Variants in MED13L observed in about 807,000 individuals in gnomAD.
MED13L encodes mediator complex subunit 13L.
Under a neutral mutation model 220.9 loss-of-function variants are expected in MED13L, and 7 were observed. The observed-to-expected ratio is 0.03, with a 90% CI of 0.02 to 0.06. MED13L has a LOEUF of 0.06. MED13L is among the 10% of genes least tolerant of loss of function. The pLI, the probability that MED13L is intolerant of heterozygous loss-of-function variation, is 1.00. For missense variants in MED13L, 1,965 were observed against 2,760.5 expected, an observed-to-expected ratio of 0.71 and a Z score of 6.46; for synonymous variants, 1,011 against 1,015.2, an observed-to-expected ratio of 1.00 and a Z score of 0.08.
At chr12:116,036,036 G>A (rs778495244) in intron 4 of MED13L, among the ~76,000 whole-genome samples, 3 of 151,972 alleles carry the variant, frequency 2.0e-5, no homozygotes, top group Non-Finnish European at 4.4e-5. Context: ...CATTTATTTT[G>A]ATGGTCTCCC....
intron 2 of MED13L, among the ~76,000 whole-genome samples, chr12:116,191,584 C>T (rs1166133604): frequency 6.6e-6 from 1 of 152,102 alleles, no homozygotes; most frequent in Non-Finnish European, 1.5e-5. Flanking sequence ...CCCACCTCAG[C>T]CTCCCAAAGT....
intron 9 of MED13L, 29 bp from the exon 10 acceptor site, chr12:116,009,161 T>C: frequency 1.2e-6 from 2 of 1,612,952 alleles, no homozygotes; most frequent in Non-Finnish European, 1.7e-6. Flanking sequence ...ATTACATCAT[T>C]ATAACATTAA....
At chr12:116,135,015 A>AAAAATTATC (rs1283075554) in intron 2 of MED13L, among the ~76,000 whole-genome samples, 2 of 152,106 alleles carry the variant, frequency 1.3e-5, no homozygotes, top group African/African-American at 2.4e-5. Flanking sequence ...TAAAAATACA[A>AAAAATTATC]AAAATTATCC....
Position 116,178,475 on chromosome 12 carries a change from T to C in MED13L, c.310+58993A>G, listed in dbSNP as rs1880248145. On this transcript the variant is annotated intron_variant, in intron 2 of 30. Coordinates refer to ENST00000281928, the MANE Select transcript of MED13L (RefSeq NM_015335.5). Reference sequence around the variant, plus strand: ...AGTCAATTTTGGAGCTTAGTTCAACTGCATAACTATGAAAAGCTATGCATA... The same window carrying C: ...AGTCAATTTTGGAGCTTAGTTCAACCGCATAACTATGAAAAGCTATGCATA... Among the ~76,000 whole-genome samples the C allele has an allele frequency of 2.6e-5, 4 of 152,322 alleles. No individual in the cohort carries two copies. The East Asian group carries it at 7.7e-4, about 29-fold the overall frequency.
At chr12:116,246,190 C>T (rs1031553341) in intron 1 of MED13L, among the ~76,000 whole-genome samples, 5 of 149,396 alleles carry the variant, frequency 3.3e-5, no homozygotes, top group Non-Finnish European at 7.4e-5. Context: ...TGAGAATAAA[C>T]GCATTTTTAG....
At chr12:115,990,906 T>A in intron 17 of MED13L, 114 bp downstream of exon 17, 2 of 1,127,306 alleles carry the variant, frequency 1.8e-6, no homozygotes, top group Admixed American at 4.1e-5. Flanking sequence ...GTTCTTTTTT[T>A]TCCCCCGAAA....
In MED13L at chr12:116,277,007, G is replaced by A. The variant is rs987928828; in HGVS notation, c.72+53C>T. The A allele has an allele frequency of 2.9e-5, 43 of 1,499,168 alleles. No homozygotes were observed. In the East Asian group the frequency reaches 7.9e-4, roughly 28 times the overall value. The allele number at this position is 1,499,168 out of a possible 1,614,324, so 92.9% of individuals were successfully genotyped here. A position where few individuals can be genotyped will look rare whatever the true frequency, so the allele number is the denominator to read the frequency against. On this transcript the variant is annotated intron_variant, in intron 1 of 30. Transcript: ENST00000281928. ...GAAAGTTGGTCGGCGGCGGAGGTCG[G>A]GGACCCCCCCCCTTCCCCGGCACAG...
Position 115,996,492 on chromosome 12 carries a change from T to C in MED13L, c.2980A>G (p.Ile994Val). 1 of 1,613,972 alleles carries C rather than the reference T, an allele frequency of 6.2e-7. No homozygotes were observed. Among genetic ancestry groups the C allele is most frequent in the African/African-American group, 1.3e-5 (1 of 75,044 alleles). ...TATACATACTTGTAGCCATCTCTAA[T>C]GAAAGTGGCTGCAGGGGGCATGGGC... is the stretch of plus-strand genomic sequence containing the variant. ...QLPMPPAATF[I>V]RDGYNNVPSV... is the part of the protein sequence containing the mutation. Residue 994 changes from isoleucine (I) to valine (V), a missense_variant, in exon 16 of 31, where the codon ATT (isoleucine) becomes GTT (valine). Coordinates refer to ENST00000281928, the MANE Select transcript of MED13L (RefSeq NM_015335.5).
intron 4 of MED13L, among the ~76,000 whole-genome samples, chr12:116,091,542 T>C (rs942045906): frequency 2.0e-5 from 3 of 152,244 alleles, no homozygotes; most frequent in Non-Finnish European, 4.4e-5. Flanking sequence ...GCTACCACTA[T>C]TAAGCTTTAT....
chr12:116,266,539 G>A (rs1455017190), intron 1 of MED13L, among the ~76,000 whole-genome samples: 1 of 152,154 alleles, frequency 6.6e-6, no homozygotes, highest in African/African-American at 2.4e-5. Flanking sequence ...AGGACTATAA[G>A]TCAGAGAAAA....
intron 2 of MED13L, among the ~76,000 whole-genome samples, chr12:116,199,547 CT>C (rs1198888461): frequency 1.3e-5 from 2 of 152,182 alleles, no homozygotes; most frequent in African/African-American, 4.8e-5. Flanking sequence ...AGAAAATACT[CT>C]GATCAAATGC....
At position 115,970,601 on chromosome 12, in the gene MED13L, G is replaced by A. The variant is rs370627474; in HGVS notation, c.6060C>T (p.Pro2020=). 4 of 1,613,622 alleles carry A rather than the reference G, an allele frequency of 2.5e-6. No homozygotes were observed. Among genetic ancestry groups the A allele is most frequent in the Non-Finnish European group, 3.4e-6 (4 of 1,179,700 alleles). Residue 2020 remains proline (P), a synonymous_variant, in exon 27 of 31, where the codon CCC becomes CCT. Transcript: ENST00000281928. ...TACAGGTCTTCTACTCACCATTGTT[G>A]GGGCTAAACCCATCTTCATTGGGGT... ...ANYPNEDGFS[P]NNDDMFVDLP... is the part of the protein sequence containing the mutation.
chr12:116,096,823 C>G (rs1396738844), intron 3 of MED13L, 71 bp from the exon 4 acceptor site: 7 of 1,060,790 alleles, frequency 6.6e-6, no homozygotes, highest in Non-Finnish European at 1.0e-5. Context: ...AAGCAATACA[C>G]CAGATGAGAT....
intron 1 of MED13L, among the ~76,000 whole-genome samples, chr12:116,271,374 A>G (rs1019662960): frequency 3.9e-5 from 6 of 152,056 alleles, no homozygotes; most frequent in African/African-American, 1.4e-4. Context: ...GAGGATCACG[A>G]GGTCAGGAGA....
chr12:115,963,541 T>G, intron 29 of MED13L, 22 bp from the exon 30 acceptor site: 2 of 1,530,696 alleles, frequency 1.3e-6, no homozygotes, highest in South Asian at 1.1e-5. Context: ...ACAAAGAGAG[T>G]TACCTCTCTG....
chr12:115,970,839 G>C, intron 26 of MED13L, 69 bp from the exon 27 acceptor site: 1 of 1,422,484 alleles, frequency 7.0e-7, no homozygotes, highest in Non-Finnish European at 9.7e-7. Flanking sequence ...CAGAGGGCCT[G>C]ATCTGGAGTG....
At chr12:116,170,736 G>A (rs139442055) in intron 2 of MED13L, among the ~76,000 whole-genome samples, 4 of 151,760 alleles carry the variant, frequency 2.6e-5, no homozygotes, top group Non-Finnish European at 5.9e-5. Context: ...GAGTAGCTGG[G>A]ATTACAGGTG....
At chr12:116,069,271 A>G (rs2137674774) in intron 4 of MED13L, among the ~76,000 whole-genome samples, 1 of 152,222 alleles carries the variant, frequency 6.6e-6, no homozygotes, top group East Asian at 1.9e-4. Context: ...AGTAGATGCT[A>G]TCTAGCCAAC....
intron 4 of MED13L, among the ~76,000 whole-genome samples, chr12:116,048,753 T>C (rs889990818): frequency 7.2e-5 from 11 of 152,210 alleles, no homozygotes; most frequent in African/African-American, 2.4e-4. Context: ...CTTTCTCTTA[T>C]ACCTTTCAAT....
Sources: allele counts gnomAD v4.1 joint callset (sites outside exome capture counted in the v4.1 genomes callset), GRCh38; gene constraint gnomAD v4.1.1; transcripts MANE v1.5; gene names NCBI Gene and HGNC (gene_info 2026-07-23, HGNC 2026-07-21).